The following CYB5R1 variants were observed in gnomAD, a reference collection of about 807,000 sequenced individuals.
CYB5R1 encodes NADH-cytochrome b5 reductase 1.
In CYB5R1, 32 loss-of-function variants were observed where a neutral mutation model predicts 37.4. The ratio of observed to expected loss-of-function variants is 0.86; its 90% CI spans 0.65 to 1.15. CYB5R1 has a LOEUF of 1.15. Among genes scored for constraint, CYB5R1 ranks in the 50% most tolerant of loss-of-function variants. The pLI, the probability that CYB5R1 is intolerant of heterozygous loss-of-function variation, is 0.00. For synonymous variants in CYB5R1, 159 were observed against 155.2 expected, an observed-to-expected ratio of 1.02 and a Z score of -0.18; for missense variants, 345 against 382.5, an observed-to-expected ratio of 0.90 and a Z score of 0.82.
chr1:202,965,335 G>A (rs1163296745), intron 5 of CYB5R1, 36 bp downstream of exon 5: 2 of 1,538,352 alleles, frequency 1.3e-6, no homozygotes, highest in Non-Finnish European at 1.7e-6. Context: ...AACTGATAAA[G>A]TGGGAGACAG....
chr1:202,962,314 C>T lies in CYB5R1; in HGVS notation c.*213G>A, dbSNP rs963297830. 17 of 555,596 alleles carry T rather than the reference C, an allele frequency of 3.1e-5. No individual in the cohort carries two copies. The highest frequency in any genetic ancestry group is 2.2e-4 in the East Asian group (7 of 31,466). The allele number at this position is 555,596 out of a possible 1,614,324, so 34.4% of individuals were successfully genotyped here. A position where few individuals can be genotyped will look rare whatever the true frequency, so the allele number is the denominator to read the frequency against. On this transcript the variant is annotated 3_prime_UTR_variant, in exon 9 of 9. Coordinates refer to ENST00000367249, the MANE Select transcript of CYB5R1 (RefSeq NM_016243.3). ...TGGGCCTCTCCTGGACCTGTTGCCACGGGGAGATTTAGGAGGCCATCCAAG... is the reference window on the plus strand; with the variant it reads ...TGGGCCTCTCCTGGACCTGTTGCCATGGGGAGATTTAGGAGGCCATCCAAG...
chr1:202,965,259 C>A (rs766290857), intron 5 of CYB5R1, 112 bp downstream of exon 5: 2 of 1,257,448 alleles, frequency 1.6e-6, no homozygotes, highest in African/African-American at 3.1e-5. Context: ...GAAGGAAGGG[C>A]GGCCCTGGCC....
Position 202,967,201 on chromosome 1 carries a change from C to G in CYB5R1, c.5G>C (p.Gly2Ala). 6.2e-7 allele frequency: 1 copy of G among 1,611,908 alleles called. No homozygotes were observed. The change falls in exon 1 of 9, where the codon GGG becomes GCG. Residue 2 changes from glycine to alanine, a missense_variant. Transcript: ENST00000367249. ...GAATGAGGGTCTTACCGTCTGGATCCCCATGACGGAGCGCCTTTTCCTCCA... is the reference window on the plus strand; with the variant it reads ...GAATGAGGGTCTTACCGTCTGGATCGCCATGACGGAGCGCCTTTTCCTCCA... M[G>A]IQTSPVLLAS...
chr1:202,966,675 G>T, intron 2 of CYB5R1, 74 bp downstream of exon 2: 1 of 1,613,106 alleles, frequency 6.2e-7, no homozygotes, highest in Non-Finnish European at 8.5e-7. Flanking sequence ...CCCAACCACC[G>T]TGGGTGCTGT....
Position 202,966,792 on chromosome 1 carries a change from A to C in CYB5R1, c.122T>G (p.Leu41Arg), listed in dbSNP as rs776735324. Reference protein sequence around the residue: ...RRSRRPQVTLLDPNEKYLLRL... With the variant: ...RRSRRPQVTLRDPNEKYLLRL... Reference sequence around the variant, plus strand: ...TAGCAGGTACTTTTCATTGGGGTCCAGGAGAGTGACCTGAGGCCGGCGGGA... The same window carrying C: ...TAGCAGGTACTTTTCATTGGGGTCCCGGAGAGTGACCTGAGGCCGGCGGGA... Residue 41 changes from leucine to arginine, a missense_variant, in exon 2 of 9, where the codon CTG becomes CGG. Physicochemically the swap from Leu to Arg is moderately radical, Grantham distance 102. Coordinates refer to ENST00000367249, the MANE Select transcript of CYB5R1 (RefSeq NM_016243.3). The C allele has an allele frequency of 2.5e-6, 4 of 1,614,160 alleles. No homozygotes were observed. The East Asian group carries it at 6.7e-5, about 27-fold the overall frequency.
Position 202,962,903 on chromosome 1 carries a change from C to G in CYB5R1, c.745+163G>C, listed in dbSNP as rs1432085032. 4 of 955,652 alleles carry G rather than the reference C, an allele frequency of 4.2e-6. No individual in the cohort carries two copies. The Admixed American group carries it at 7.8e-5, about 19-fold the overall frequency. 59.2% of individuals were successfully genotyped at this position (955,652 alleles called of 1,614,324 possible). ...CTGTCACCCACCTGGTAAACAGGAA[C>G]CCAAAGGAAAGGGACCAGGAGATCA... On this transcript the variant is annotated intron_variant, in intron 8 of 8. Coordinates refer to ENST00000367249, the MANE Select transcript of CYB5R1 (RefSeq NM_016243.3).
In CYB5R1 at chr1:202,967,162, C is replaced by T; in HGVS notation, c.15+29G>A. The T allele has an allele frequency of 2.5e-6, 4 of 1,608,566 alleles. No homozygotes were observed. In the South Asian group the frequency reaches 3.3e-5, roughly 13 times the overall value. On this transcript the variant is annotated intron_variant, in intron 1 of 8. Coordinates refer to ENST00000367249, the MANE Select transcript of CYB5R1 (RefSeq NM_016243.3). ...CAGAACCAGATGGGGAGGGGTCCCC[C>T]AGTGGAGGATACTGAATGAGGGTCT... is the stretch of plus-strand genomic sequence containing the variant.
At position 202,964,620 on chromosome 1, in the gene CYB5R1, C is replaced by A. The variant is rs1427974591; in HGVS notation, c.551G>T (p.Gly184Val). The stretch of plus-strand genomic sequence containing the variant: ...CCCTCAGTGTAATGCACCTGTCCCG[C>A]CGGCAATCATTCCCAGTTTCTTCGC... ...RVAKKLGMIA[G>V]GTGITPMLQL... The change falls in exon 6 of 9, where the codon GGC becomes GTC. Residue 184 changes from glycine (G) to valine (V), a missense_variant. Coordinates refer to ENST00000367249, the MANE Select transcript of CYB5R1 (RefSeq NM_016243.3). 1 of 1,612,606 alleles carries A rather than the reference C, an allele frequency of 6.2e-7. No individual in the cohort carries two copies. The highest frequency in any genetic ancestry group is 1.1e-5 in the South Asian group (1 of 91,024).
chr1:202,966,755 G>C lies in CYB5R1; in HGVS notation c.159C>G (p.Asp53Glu). The change falls in exon 2 of 9, where the codon GAC becomes GAG. Residue 53 changes from aspartate to glutamate, a missense_variant. Transcript: ENST00000367249. ...PNEKYLLRLLDKTTVSHNTKR... is the reference protein window; with the variant it reads ...PNEKYLLRLLEKTTVSHNTKR... ...CCTTTCTTCCCCAACTTACCGTCTT[G>C]TCTAGCAGTCGTAGCAGGTACTTTT... The C allele has an allele frequency of 6.2e-7, 1 of 1,614,010 alleles. No homozygotes were observed.
Position 202,962,634 on chromosome 1 carries a change from C to A in CYB5R1, c.811G>T (p.Asp271Tyr), listed in dbSNP as rs749505973. The stretch of plus-strand genomic sequence containing the variant: ...CCACAAAGCAGTACCAGCACATCAT[C>A]CCCTGGAGCGGGCAGGTGTTCCCGG... ...MIREHLPAPG[D>Y]DVLVLLCGPP... Residue 271 changes from aspartate (D) to tyrosine (Y), a missense_variant, in exon 9 of 9, where the codon GAT becomes TAT. Transcript: ENST00000367249. The A allele has an allele frequency of 8.1e-6, 13 of 1,614,154 alleles. No homozygotes were observed. The South Asian group carries it at 1.2e-4, about 15-fold the overall frequency.
At chr1:202,964,585 G>A (rs1293905440) in intron 6 of CYB5R1, 27 bp downstream of exon 6, 2 of 1,550,408 alleles carry the variant, frequency 1.3e-6, no homozygotes, top group South Asian at 2.2e-5. Flanking sequence ...ACAATGGTGG[G>A]AGAGAAAGGC....
chr1:202,965,515 A>C lies in CYB5R1; in HGVS notation c.346-15T>G, dbSNP rs766085723. On this transcript the variant is annotated splice_polypyrimidine_tract_variant and intron_variant, in intron 4 of 8. Transcript: ENST00000367249. ...TTCAGGTAGACCTTACAAGACAGAGAGAAAAATACCTTATTTGGAATGTCA... is the reference window on the plus strand; with the variant it reads ...TTCAGGTAGACCTTACAAGACAGAGCGAAAAATACCTTATTTGGAATGTCA... The C allele has an allele frequency of 6.4e-7, 1 of 1,562,082 alleles. No individual in the cohort carries two copies. The highest frequency in any genetic ancestry group is 1.4e-5 in the African/African-American group (1 of 71,788).
Position 202,966,837 on chromosome 1 carries a change from C to T in CYB5R1, c.77G>A (p.Gly26Asp), listed in dbSNP as rs1655106142. 1.2e-6 allele frequency: 2 copies of T among 1,614,068 alleles called. No individual in the cohort carries two copies. Among genetic ancestry groups the T allele is most frequent in the East Asian group, 4.5e-5 (2 of 44,870 alleles). ...GLVTLLGLAV[G>D]SYLVRRSRRP... ...GCGGGACCTCCGAACCAAGTAGGAG[C>T]CCACAGCCAGGCCGAGCAGAGTGAC... Residue 26 changes from glycine to aspartate, a missense_variant, in exon 2 of 9, where the codon GGC (glycine) becomes GAC (aspartate). Gly to Asp is a moderately conservative substitution (Grantham distance 94). Coordinates refer to ENST00000367249, the MANE Select transcript of CYB5R1 (RefSeq NM_016243.3).
intron 3 of CYB5R1, 29 bp downstream of exon 3, chr1:202,966,499 G>A (rs1005500023): frequency 6.2e-7 from 1 of 1,612,568 alleles, no homozygotes; most frequent in Admixed American, 1.7e-5. Context: ...GGATACCAGG[G>A]AAAGGAGCCC....
chr1:202,964,141 C>T (rs1324343416), intron 6 of CYB5R1: 2 of 188,252 alleles, frequency 1.1e-5, no homozygotes, highest in Non-Finnish European at 2.2e-5. Flanking sequence ...AGTGAAATAA[C>T]CCTGTGGAAA....
intron 8 of CYB5R1, 113 bp from the exon 9 acceptor site, chr1:202,962,812 G>T: frequency 7.4e-7 from 1 of 1,356,316 alleles, no homozygotes; most frequent in Non-Finnish European, 1.0e-6. Context: ...GTGTCAAGTG[G>T]TAGCAGCAGC....
At position 202,962,347 on chromosome 1, in the gene CYB5R1, T is replaced by C; in HGVS notation, c.*180A>G. On this transcript the variant is annotated 3_prime_UTR_variant, in exon 9 of 9. Transcript: ENST00000367249. Reference sequence around the variant, plus strand: ...TTTAGGAGGCCATCCAAGGAGTGACTGAGCCTTGGCCCTCTTCCATGGCTA... The same window carrying C: ...TTTAGGAGGCCATCCAAGGAGTGACCGAGCCTTGGCCCTCTTCCATGGCTA... 1 of 750,116 alleles carries C rather than the reference T, an allele frequency of 1.3e-6. No homozygotes were observed. The allele number at this position is 750,116 out of a possible 1,614,324, so 46.5% of individuals were successfully genotyped here.
At chr1:202,962,885 C>T (rs1655019739) in intron 8 of CYB5R1, 181 bp downstream of exon 8, 1 of 951,828 alleles carries the variant, frequency 1.1e-6, no homozygotes, top group Non-Finnish European at 1.7e-6. Flanking sequence ...TCCCTGTCAC[C>T]CACCTGGTAA....
intron 6 of CYB5R1, 125 bp from the exon 7 acceptor site, chr1:202,963,852 C>T: frequency 1.9e-6 from 1 of 532,210 alleles, no homozygotes; most frequent in Non-Finnish European, 3.3e-6. Context: ...TTTCCTTTAG[C>T]ATTCTCATCC....
Sources: gnomAD v4.1 joint callset for allele counts on GRCh38, gnomAD v4.1.1 for gene constraint, MANE v1.5 for transcripts, NCBI Gene and HGNC (gene_info 2026-07-23, HGNC 2026-07-21) for gene names.